CCDC60: variants seen among roughly 807,000 people sequenced by gnomAD.
The protein encoded by CCDC60 is coiled-coil domain-containing protein 60.
CCDC60 carries 54 observed loss-of-function variants against 63.5 expected under a neutral mutation model. The ratio of observed to expected loss-of-function variants is 0.85; its 90% CI spans 0.68 to 1.07. The LOEUF (loss-of-function observed/expected upper bound fraction) is 1.07. Ranked by LOEUF, CCDC60 falls within the 50% of genes least tolerant of loss-of-function variation. The probability of loss-of-function intolerance (pLI) is 0.00; values close to 1 mark genes in which losing one functional copy is unlikely to be tolerated. For missense variants in CCDC60, 651 were observed against 684.3 expected, an observed-to-expected ratio of 0.95 and a Z score of 0.54; for synonymous variants, 206 against 238.8, an observed-to-expected ratio of 0.86 and a Z score of 1.27.
At chr12:119,371,970 A>G (rs1955902564) in intron 1 of CCDC60, among the ~76,000 whole-genome samples, 3 of 152,128 alleles carry the variant, frequency 2.0e-5, no homozygotes, top group African/African-American at 7.2e-5. Flanking sequence ...GGTAAGCATG[A>G]TCTTAGGCCG....
In CCDC60 at chr12:119,524,721, C is replaced by CTTTTTTTTTTTTTTTTTTT. The variant is rs55694840; in HGVS notation, c.1229+904_1229+922dup. Among the ~76,000 whole-genome samples, 203 of 98,976 alleles carry CTTTTTTTTTTTTTTTTTTT rather than the reference C, an allele frequency of 2.1e-3. 11 individuals carry two copies. The highest frequency in any genetic ancestry group is 5.2e-3 in the Middle Eastern group (1 of 192). 64.9% of individuals were successfully genotyped at this position (98,976 alleles called of 152,430 possible). ...ACAGCAGTTTCTTTTCTTTTCTTTTCTTTTTTTTTTTTTTTTTTTGAGACA... is the reference window on the plus strand; with the variant it reads ...ACAGCAGTTTCTTTTCTTTTCTTTTCTTTTTTTTTTTTTTTTTTTTTTTTTTTTTTTTTTTTTTGAGACA... On this transcript the variant is annotated intron_variant, in intron 11 of 13. Coordinates refer to ENST00000327554, the MANE Select transcript of CCDC60 (RefSeq NM_178499.5).
chr12:119,500,317 G>T (rs1951821075), intron 6 of CCDC60, 149 bp downstream of exon 6: 7 of 636,718 alleles, frequency 1.1e-5, no homozygotes, highest in South Asian at 1.1e-4. Flanking sequence ...GCTGTTGGAT[G>T]GTTTTTGTAA....
chr12:119,472,404 C>G (rs1210741222), intron 3 of CCDC60, among the ~76,000 whole-genome samples: 1 of 152,152 alleles, frequency 6.6e-6, no homozygotes, highest in Non-Finnish European at 1.5e-5. Flanking sequence ...TCTCCGAATA[C>G]TTCCTGGATT....
intron 1 of CCDC60, among the ~76,000 whole-genome samples, chr12:119,427,576 T>A (rs563347807): frequency 2.5e-4 from 38 of 152,360 alleles, no homozygotes; most frequent in Admixed American, 1.8e-3. Flanking sequence ...TCCTTAGGAT[T>A]CTTGACAGCA....
At chr12:119,466,346 C>A (rs1310911899) in intron 2 of CCDC60, among the ~76,000 whole-genome samples, 2 of 152,216 alleles carry the variant, frequency 1.3e-5, no homozygotes, top group Non-Finnish European at 2.9e-5. Context: ...TTGTTTACTG[C>A]TGCATCCTCA....
intron 1 of CCDC60, among the ~76,000 whole-genome samples, chr12:119,346,524 A>C (rs571779003): frequency 6.6e-6 from 1 of 152,292 alleles, no homozygotes; most frequent in South Asian, 2.1e-4. Flanking sequence ...TATCTCTCTA[A>C]AAGGGGCAAC....
chr12:119,441,628 CA>C (rs1950447777), intron 2 of CCDC60, among the ~76,000 whole-genome samples: 1 of 152,186 alleles, frequency 6.6e-6, no homozygotes, highest in Admixed American at 6.5e-5. Context: ...AGCTTTAAAT[CA>C]ATGGAACTAT....
intron 13 of CCDC60, among the ~76,000 whole-genome samples, chr12:119,532,968 C>T (rs784843): frequency 0.33 from 50,067 of 151,908 alleles, 8,625 homozygotes; most frequent in African/African-American, 0.44. Flanking sequence ...GTATTTCTGG[C>T]TCTAGATCCT....
At chr12:119,419,757 A>C (rs952099101) in intron 1 of CCDC60, among the ~76,000 whole-genome samples, 1 of 151,774 alleles carries the variant, frequency 6.6e-6, no homozygotes, top group Admixed American at 6.6e-5. Flanking sequence ...TCAGTAGAGG[A>C]CTTGCTCGTC....
chr12:119,406,686 C>CA (rs566917825), intron 1 of CCDC60, among the ~76,000 whole-genome samples: 13,164 of 134,686 alleles, frequency 0.098, 712 homozygotes, highest in Non-Finnish European at 0.13. Context: ...CTGAATATAG[C>CA]AAAAAAAAAA....
At chr12:119,472,371 ACC>A (rs1951081605) in intron 3 of CCDC60, among the ~76,000 whole-genome samples, 1 of 151,844 alleles carries the variant, frequency 6.6e-6, no homozygotes, top group Non-Finnish European at 1.5e-5. Context: ...CTTATCACTA[ACC>A]ACCCAGCTTA....
At chr12:119,377,275 A>G (rs1391174566) in intron 1 of CCDC60, among the ~76,000 whole-genome samples, 2,026 of 134,816 alleles carry the variant, frequency 0.015, 37 homozygotes, top group African/African-American at 0.045. Context: ...AAAAAAAAAA[A>G]AAAAGAAAAA....
intron 4 of CCDC60, among the ~76,000 whole-genome samples, chr12:119,481,678 T>A (rs780442048): frequency 4.6e-5 from 7 of 152,044 alleles, no homozygotes; most frequent in Non-Finnish European, 7.4e-5. Context: ...AGTGGTGATT[T>A]GTGAGATTTT....
Position 119,366,829 on chromosome 12 carries a change from C to T in CCDC60, c.90+31563C>T, listed in dbSNP as rs138445819. On this transcript the variant is annotated intron_variant, in intron 1 of 13. Transcript: ENST00000327554. Reference sequence around the variant, plus strand: ...GTAAGAACAGAAGGAACAGAAAACCCTTAGGGTTTGTTGTTGTTGTTGTGA... The same window carrying T: ...GTAAGAACAGAAGGAACAGAAAACCTTTAGGGTTTGTTGTTGTTGTTGTGA... 5.8e-4 allele frequency among the ~76,000 whole-genome samples: 89 copies of T among 152,162 alleles called. No individual in the cohort carries two copies. In the East Asian group the frequency reaches 0.016, roughly 28 times the overall value.
At chr12:119,377,551 A>G (rs570318911) in intron 1 of CCDC60, among the ~76,000 whole-genome samples, 18 of 152,214 alleles carry the variant, frequency 1.2e-4, no homozygotes, top group Non-Finnish European at 1.8e-4. Context: ...CAGAAGTAAC[A>G]ACTGGTCACT....
At chr12:119,335,987 C>T (rs1592971651) in intron 1 of CCDC60, among the ~76,000 whole-genome samples, 2 of 150,484 alleles carry the variant, frequency 1.3e-5, no homozygotes, top group African/African-American at 2.4e-5. Context: ...AGTAAACTAT[C>T]GCAAGAACAA....
chr12:119,482,016 TA>T (rs1463092345), intron 4 of CCDC60, among the ~76,000 whole-genome samples: 1 of 147,076 alleles, frequency 6.8e-6, no homozygotes, highest in East Asian at 1.9e-4. Flanking sequence ...AGTATATATA[TA>T]TGTATATATG....
chr12:119,412,803 C>T (rs1275925424), intron 1 of CCDC60, among the ~76,000 whole-genome samples: 1 of 127,716 alleles, frequency 7.8e-6, no homozygotes, highest in Non-Finnish European at 1.6e-5. Context: ...TAATGGGGCA[C>T]ATTGATGCTG....
intron 13 of CCDC60, among the ~76,000 whole-genome samples, chr12:119,533,642 G>A (rs1368212659): frequency 6.6e-6 from 1 of 152,172 alleles, no homozygotes; most frequent in East Asian, 1.9e-4. Flanking sequence ...CATAAGACTA[G>A]CCAGTTTTCC....
Sources: allele counts gnomAD v4.1 joint callset (sites outside exome capture counted in the v4.1 genomes callset), GRCh38; gene constraint gnomAD v4.1.1; transcripts MANE v1.5; gene names NCBI Gene and HGNC (gene_info 2026-07-23, HGNC 2026-07-21).